The following CCDC30 variants were observed in gnomAD, a reference collection of about 807,000 sequenced individuals.
CCDC30 encodes the protein coiled-coil domain-containing protein 30.
A neutral mutation model predicts 100.2 loss-of-function variants in CCDC30; 70 were observed. That is an observed-to-expected ratio of 0.70 (90% CI 0.58 to 0.85). The LOEUF (loss-of-function observed/expected upper bound fraction) is 0.85. Among genes scored for constraint, CCDC30 ranks in the 40% least tolerant of loss-of-function variants. The pLI is 0.00. For missense variants in CCDC30, 652 were observed against 771.2 expected (o/e 0.85, Z 1.83); for synonymous variants, 233 against 269.5 (o/e 0.86, Z 1.33).
intron 14 of CCDC30, 29 bp downstream of exon 18, chr1:42,644,836 C>A (rs748534009): frequency 8.5e-6 from 12 of 1,412,110 alleles, no homozygotes; most frequent in Middle Eastern, 3.5e-4. Context: ...ATTGGGCCTG[C>A]CTTTAATGTG....
At chr1:42,461,231 CAG>C (rs146909390), upstream of CCDC30, among the ~76,000 whole-genome samples, 310 of 152,304 alleles carry the variant, frequency 2.0e-3, 1 homozygote, top group Non-Finnish European at 3.3e-3. Context: ...GAAGATTTGA[CAG>C]AAATTCTAAG....
At chr1:42,567,720 A>T (rs1645636331) in intron 7 of CCDC30, among the ~76,000 whole-genome samples, 1 of 152,184 alleles carries the variant, frequency 6.6e-6, no homozygotes, top group Non-Finnish European at 1.5e-5. Flanking sequence ...GACATTTCTT[A>T]GATCATTTTA....
chr1:42,656,806 T>C (rs1389511182), downstream of CCDC30, among the ~76,000 whole-genome samples: 1 of 152,212 alleles, frequency 6.6e-6, no homozygotes, highest in Admixed American at 6.5e-5. Flanking sequence ...ATGAAGCATG[T>C]AAAGTATTTA....
chr1:42,484,583 A>G (rs1644019676), intron 3 of CCDC30, among the ~76,000 whole-genome samples: 1 of 152,190 alleles, frequency 6.6e-6, no homozygotes, highest in South Asian at 2.1e-4. Flanking sequence ...TGAATTAGCA[A>G]GTCCTTTTGG....
intron 4 of CCDC30, among the ~76,000 whole-genome samples, chr1:42,493,407 G>A (rs1644177922): frequency 6.6e-6 from 1 of 151,940 alleles, no homozygotes; most frequent in East Asian, 1.9e-4. Context: ...GGCCAACATG[G>A]TGAAACCCCG....
At chr1:42,459,101 A>T (rs1364202240), upstream of CCDC30, 1 of 152,248 alleles carries the variant, frequency 6.6e-6, no homozygotes, top group African/African-American at 2.4e-5. Context: ...TTTGCCCCAG[A>T]ATATGTATGG....
chr1:42,543,652 A>C (rs1394710758), intron 6 of CCDC30, among the ~76,000 whole-genome samples: 2 of 152,164 alleles, frequency 1.3e-5, no homozygotes, highest in South Asian at 4.1e-4. Context: ...GTTCTATGTC[A>C]GTGCCTTTGG....
chr1:42,643,230 G>T (rs1647605473), intron 13 of CCDC30, among the ~76,000 whole-genome samples: 1 of 152,172 alleles, frequency 6.6e-6, no homozygotes, highest in Non-Finnish European at 1.5e-5. Flanking sequence ...CCAATCCCAG[G>T]AGAGAGGCAC....
At chr1:42,651,398 A>G (rs773270683) in intron 15 of CCDC30, among the ~76,000 whole-genome samples, 11 of 152,138 alleles carry the variant, frequency 7.2e-5, no homozygotes, top group Non-Finnish European at 1.2e-4. Context: ...ACACAACCCA[A>G]TTAAAAAGTA....
chr1:42,632,235 C>T (rs1414118188), intron 11 of CCDC30, among the ~76,000 whole-genome samples: 1 of 152,088 alleles, frequency 6.6e-6, no homozygotes, highest in Non-Finnish European at 1.5e-5. Flanking sequence ...GAGCGGGTTT[C>T]CTTATGGCTT....
upstream of CCDC30, among the ~76,000 whole-genome samples, chr1:42,460,631 G>A (rs1006423292): frequency 1.3e-5 from 2 of 152,188 alleles, no homozygotes; most frequent in African/African-American, 4.8e-5. Context: ...CCAGGCAGGG[G>A]CCACTTGGTG....
chr1:42,519,295 T>C (rs1644600497), intron 6 of CCDC30, among the ~76,000 whole-genome samples: 1 of 152,234 alleles, frequency 6.6e-6, no homozygotes, highest in Admixed American at 6.5e-5. Flanking sequence ...TTATGTCCTC[T>C]TCAAATGTGT....
At chr1:42,550,909 C>T (rs916929122) in intron 6 of CCDC30, among the ~76,000 whole-genome samples, 1 of 152,144 alleles carries the variant, frequency 6.6e-6, no homozygotes. Context: ...AAAGTTTCAT[C>T]GTTAGCCACC....
chr1:42,645,282 G>A (rs575117528), intron 14 of CCDC30, among the ~76,000 whole-genome samples: 3 of 152,090 alleles, frequency 2.0e-5, no homozygotes, highest in African/African-American at 7.2e-5. Flanking sequence ...TAAAACATGA[G>A]CAAATCTGAG....
chr1:42,473,073 TTGTG>T, intron 1 of CCDC30: 12 of 1,170,406 alleles, frequency 1.0e-5, no homozygotes, highest in South Asian at 4.5e-5. Context: ...GCATCCTCAG[TTGTG>T]TGTGTGTGTG....
At chr1:42,630,434 G>A (rs1647016160) in intron 11 of CCDC30, among the ~76,000 whole-genome samples, 1 of 150,554 alleles carries the variant, frequency 6.6e-6, no homozygotes, top group Non-Finnish European at 1.5e-5. Context: ...CCAGGTTGGA[G>A]TGCAATGGCA....
chr1:42,637,267 A>G, exon 12 of CCDC30: 2 of 1,584,072 alleles, frequency 1.3e-6, no homozygotes, highest in South Asian at 2.4e-5. Flanking sequence ...ACCAACAAAA[A>G]GTCAAGCTTC....
intron 7 of CCDC30, among the ~76,000 whole-genome samples, chr1:42,569,874 G>C (rs978528143): frequency 6.6e-6 from 1 of 152,192 alleles, no homozygotes. Flanking sequence ...ACTAAAACAG[G>C]AACAGAAAAC....
At chr1:42,590,611 C>T (rs1029289779) in intron 10 of CCDC30, 1 of 152,050 alleles carries the variant, frequency 6.6e-6, no homozygotes, top group African/African-American at 2.4e-5. Context: ...GTGGCATGGA[C>T]CTGTAGTACC....
Sources: allele counts gnomAD v4.1 joint callset (sites outside exome capture counted in the v4.1 genomes callset), GRCh38; gene constraint gnomAD v4.1.1; transcripts MANE v1.5; gene names NCBI Gene and HGNC (gene_info 2026-07-23, HGNC 2026-07-21).